The following DPCD variants were observed in gnomAD, a reference collection of about 807,000 sequenced individuals.
DPCD encodes deleted in primary ciliary dyskinesia homolog (mouse), also known as protein DPCD.
In DPCD, 20 loss-of-function variants were observed where a neutral mutation model predicts 26.4. The ratio of observed to expected loss-of-function variants is 0.76; its 90% CI spans 0.53 to 1.10. DPCD has a LOEUF of 1.10. Among genes scored for constraint, DPCD ranks in the 50% least tolerant of loss-of-function variants. The pLI is 0.00. For synonymous variants in DPCD, 97 were observed against 94.2 expected, an observed-to-expected ratio of 1.03 and a Z score of -0.17; for missense variants, 202 against 253.9, an observed-to-expected ratio of 0.80 and a Z score of 1.39.
intron 2 of DPCD, among the ~76,000 whole-genome samples, chr10:101,598,615 T>TG (rs2063670624): frequency 1.5e-5 from 1 of 67,600 alleles, no homozygotes; most frequent in African/African-American, 6.2e-5. Flanking sequence ...TGCTTTCTTT[T>TG]TTTTTTTTTT....
intron 3 of DPCD, 130 bp from the exon 4 acceptor site, chr10:101,601,073 C>CA: frequency 6.7e-7 from 1 of 1,483,880 alleles, no homozygotes; most frequent in Non-Finnish European, 9.1e-7. Flanking sequence ...AGTGCTGTAG[C>CA]AATAGCAGCG....
chr10:101,595,045 C>T (rs1444681203), intron 2 of DPCD, among the ~76,000 whole-genome samples: 3 of 152,110 alleles, frequency 2.0e-5, no homozygotes, highest in Admixed American at 6.5e-5. Flanking sequence ...TGGAAGTGAG[C>T]CTTGTAGGTT....
chr10:101,588,714 T>C (rs1051292228), intron 1 of DPCD: 1 of 1,082,126 alleles, frequency 9.2e-7, no homozygotes, highest in Non-Finnish European at 1.1e-6. Flanking sequence ...TTTCACCCCG[T>C]TTTACAGAAG....
chr10:101,598,540 G>A (rs1429423406), intron 2 of DPCD, among the ~76,000 whole-genome samples: 1 of 149,924 alleles, frequency 6.7e-6, no homozygotes, highest in Non-Finnish European at 1.5e-5. Flanking sequence ...AGTGGCAAGG[G>A]TTGAAAGAGA....
intron 1 of DPCD, among the ~76,000 whole-genome samples, chr10:101,589,341 G>T (rs1443322339): frequency 6.6e-6 from 1 of 152,254 alleles, no homozygotes; most frequent in Non-Finnish European, 1.5e-5. Flanking sequence ...AATAAGAAGC[G>T]TTAAATAGAG....
intron 2 of DPCD, among the ~76,000 whole-genome samples, chr10:101,598,611 CTTTTTTTTT>C (rs71016333): frequency 5.3e-5 from 4 of 74,952 alleles, no homozygotes; most frequent in African/African-American, 5.3e-5. Flanking sequence ...TAGATGCTTT[CTTTTTTTTT>C]TTTTTTTTTT....
rs746809909 is a variant in DPCD, at chr10:101,609,364, C to T, written c.508-3C>T. On this transcript the variant is annotated splice_polypyrimidine_tract_variant and splice_region_variant and intron_variant, in intron 5 of 5. Coordinates refer to ENST00000370151, the MANE Select transcript of DPCD (RefSeq NM_015448.3). ...ATTTTCTTATTCCTGGCTGCATCCA[C>T]AGTACCAGAAGCCAAAGGAGGTTGT... 8 of 1,613,972 alleles carry T rather than the reference C, an allele frequency of 5.0e-6. No homozygotes were observed.
rs1011197524 is a variant in DPCD at position 101,609,550 on chromosome 10, C to T, written c.*79C>T. ...CTTGGCCCTTCTTGACCACGGCAGC[C>T]TCCTGTCTTCTAGGAGCTATCAAGG... On this transcript the variant is annotated 3_prime_UTR_variant, in exon 6 of 6. Transcript: ENST00000370151. 5.5e-6 allele frequency: 7 copies of T among 1,278,248 alleles called. No individual in the cohort carries two copies. Among genetic ancestry groups the T allele is most frequent in the Non-Finnish European group, 6.7e-6 (6 of 899,204 alleles). 79.2% of individuals were successfully genotyped at this position (1,278,248 alleles called of 1,614,324 possible).
intron 2 of DPCD, among the ~76,000 whole-genome samples, chr10:101,597,310 C>T (rs2063660631): frequency 6.6e-6 from 1 of 152,226 alleles, no homozygotes; most frequent in South Asian, 2.1e-4. Flanking sequence ...TTCCCTTCGG[C>T]CTCCTCTGGG....
At position 101,603,635 on chromosome 10, in the gene DPCD, T is replaced by C. The variant is rs191161127; in HGVS notation, c.404+2299T>C. Among the ~76,000 whole-genome samples, 75 of 152,056 alleles carry C rather than the reference T, an allele frequency of 4.9e-4. 1 individual carries two copies. The East Asian group carries it at 0.013, about 26-fold the overall frequency. ...AGCCAGGCGTGGTGGTGCATGCCTG[T>C]AGTCCCAGCTACTCGGGAGGCTGAG... is the stretch of plus-strand genomic sequence containing the variant. On this transcript the variant is annotated intron_variant, in intron 4 of 5. Coordinates refer to ENST00000370151, the MANE Select transcript of DPCD (RefSeq NM_015448.3). The surrounding 1 kb of genome is among the most constrained non-coding windows in gnomAD (Gnocchi z 4.6).
At chr10:101,593,486 G>C (rs2063627108) in intron 1 of DPCD, among the ~76,000 whole-genome samples, 1 of 152,162 alleles carries the variant, frequency 6.6e-6, no homozygotes, top group African/African-American at 2.4e-5. Flanking sequence ...GAGTCTGCCT[G>C]TATCTACTTC....
At chr10:101,602,970 G>A (rs1241918990) in intron 4 of DPCD, among the ~76,000 whole-genome samples, 2 of 152,266 alleles carry the variant, frequency 1.3e-5, no homozygotes, top group African/African-American at 2.4e-5. Context: ...CATAGGTGGC[G>A]CTGTTGGCCA....
At chr10:101,608,757 C>G (rs2063750204) in intron 4 of DPCD, 78 bp from the exon 5 acceptor site, 1 of 922,676 alleles carries the variant, frequency 1.1e-6, no homozygotes, top group Non-Finnish European at 1.8e-6. Context: ...TAGGTAGAAG[C>G]TAGGCAGCAG....
At chr10:101,589,464 C>A (rs1276292810) in intron 1 of DPCD, among the ~76,000 whole-genome samples, 4 of 152,228 alleles carry the variant, frequency 2.6e-5, no homozygotes, top group Non-Finnish European at 4.4e-5. Flanking sequence ...TTAATAAGGT[C>A]AGGCACAGTG....
At chr10:101,598,563 A>G (rs1456150127) in intron 2 of DPCD, among the ~76,000 whole-genome samples, 1 of 151,374 alleles carries the variant, frequency 6.6e-6, no homozygotes, top group Non-Finnish European at 1.5e-5. Context: ...AGTCAGGGAA[A>G]AAATGCTATT....
chr10:101,600,887 T>C lies in DPCD; in HGVS notation c.270+25T>C. On this transcript the variant is annotated intron_variant, in intron 3 of 5. Coordinates refer to ENST00000370151, the MANE Select transcript of DPCD (RefSeq NM_015448.3). The surrounding 1 kb of genome is among the most constrained non-coding windows in gnomAD (Gnocchi z 4.7). ...TGTACGTCCATCTGTCCAGGTGTCT[T>C]GCACGGACTGAGGTGGGGGTGGGCT... The C allele has an allele frequency of 6.2e-7, 1 of 1,613,658 alleles. No individual in the cohort carries two copies. The highest frequency in any genetic ancestry group is 8.5e-7 in the Non-Finnish European group (1 of 1,179,892).
intron 4 of DPCD, among the ~76,000 whole-genome samples, chr10:101,606,808 A>G (rs1054537487): frequency 6.6e-6 from 1 of 152,094 alleles, no homozygotes; most frequent in Admixed American, 6.6e-5. Context: ...GAAAAACCCT[A>G]TGTCTGGGGG....
At chr10:101,591,857 T>C (rs1446045855) in intron 1 of DPCD, among the ~76,000 whole-genome samples, 2 of 151,972 alleles carry the variant, frequency 1.3e-5, no homozygotes, top group Non-Finnish European at 2.9e-5. Context: ...AATTTTTTTT[T>C]TAATTTTTAG....
Position 101,598,611 on chromosome 10 carries a change from CTTTTTTTTTTTTTTT to C in DPCD, c.146-2111_146-2097del, listed in dbSNP as rs71016333. On this transcript the variant is annotated intron_variant, in intron 2 of 5. Coordinates refer to ENST00000370151, the MANE Select transcript of DPCD (RefSeq NM_015448.3). ...AATACAGACATTGGGTAGATGCTTT[CTTTTTTTTTTTTTTT>C]TTTTTTTTTTTTTTTGAGACGGAGT... Among the ~76,000 whole-genome samples, 250 of 74,980 alleles carry C rather than the reference CTTTTTTTTTTTTTTT, an allele frequency of 3.3e-3. 2 individuals carry two copies. The highest frequency in any genetic ancestry group is 5.0e-3 in the Non-Finnish European group (205 of 41,236). 49.2% of individuals were successfully genotyped at this position (74,980 alleles called of 152,430 possible).
Sources: gnomAD v4.1 joint callset for allele counts (sites outside exome capture counted in the v4.1 genomes callset) on GRCh38, gnomAD v4.1.1 for gene constraint, Gnocchi (gnomAD v3.1) non-coding constraint, MANE v1.5 for transcripts, NCBI Gene and HGNC (gene_info 2026-07-23, HGNC 2026-07-21) for gene names.